Variants in PTPRD observed in about 807,000 individuals in gnomAD.
The protein encoded by PTPRD is receptor-type tyrosine-protein phosphatase delta.
A neutral mutation model predicts 214.5 loss-of-function variants in PTPRD; 34 were observed. The observed-to-expected ratio is 0.16, with a 90% confidence interval of 0.12 to 0.21. The LOEUF is 0.21. PTPRD is among the 10% of genes least tolerant of loss of function. PTPRD has a pLI of 1.00. For synonymous variants in PTPRD, 1,128 were observed against 845.7 expected (o/e 1.33, Z -5.79); for missense variants, 2,545 against 2,398.7 (o/e 1.06, Z -1.27).
chr9:8,948,767 G>A (rs2154302432), intron 11 of PTPRD, among the ~76,000 whole-genome samples: 1 of 149,804 alleles, frequency 6.7e-6, no homozygotes, highest in African/African-American at 2.5e-5. Context: ...CCTACTTATG[G>A]AGTGAGTGAC....
chr9:10,045,963 T>A (rs1474788281), intron 3 of PTPRD, among the ~76,000 whole-genome samples: 1 of 151,822 alleles, frequency 6.6e-6, no homozygotes, highest in Admixed American at 6.6e-5. Flanking sequence ...TATAAATCTA[T>A]CAATGGTCCT....
chr9:8,849,781 T>C (rs1208746714), intron 11 of PTPRD, among the ~76,000 whole-genome samples: 1 of 152,012 alleles, frequency 6.6e-6, no homozygotes, highest in Non-Finnish European at 1.5e-5. Flanking sequence ...AGACATGCAA[T>C]TTGGGAGCAG....
chr9:9,226,979 G>C (rs974532064), intron 9 of PTPRD, among the ~76,000 whole-genome samples: 23 of 152,020 alleles, frequency 1.5e-4, no homozygotes, highest in African/African-American at 2.4e-5. Flanking sequence ...AAAGATGATA[G>C]ATATTGTTAG....
intron 9 of PTPRD, among the ~76,000 whole-genome samples, chr9:9,267,504 T>G (rs1940512540): frequency 6.6e-6 from 1 of 151,186 alleles, no homozygotes; most frequent in South Asian, 2.1e-4. Context: ...CTTCTCAAAT[T>G]GTTACAAGAA....
chr9:8,946,186 C>T (rs1033426428), intron 11 of PTPRD, among the ~76,000 whole-genome samples: 2 of 152,134 alleles, frequency 1.3e-5, no homozygotes, highest in African/African-American at 2.4e-5. Context: ...ACTTGATAGC[C>T]ATTCCTAAAT....
intron 3 of PTPRD, among the ~76,000 whole-genome samples, chr9:10,095,216 T>C (rs547498273): frequency 2.0e-5 from 3 of 151,590 alleles, no homozygotes; most frequent in African/African-American, 7.2e-5. Context: ...ACTTTATATA[T>C]TCTCTTTCTT....
chr9:9,057,195 G>T (rs1026266519), intron 10 of PTPRD, among the ~76,000 whole-genome samples: 1 of 152,142 alleles, frequency 6.6e-6, no homozygotes, highest in Non-Finnish European at 1.5e-5. Context: ...TTTTCACTCA[G>T]TAAATCAATG....
At chr9:10,507,286 T>C (rs1489379533) in intron 2 of PTPRD, among the ~76,000 whole-genome samples, 1 of 151,814 alleles carries the variant, frequency 6.6e-6, no homozygotes, top group Non-Finnish European at 1.5e-5. Context: ...CACTGCTCAA[T>C]GAAATAAAAG....
At chr9:8,457,270 T>C (rs1222155757) in intron 33 of PTPRD, among the ~76,000 whole-genome samples, 1 of 152,160 alleles carries the variant, frequency 6.6e-6, no homozygotes, top group Non-Finnish European at 1.5e-5. Context: ...GGCTCCTCAG[T>C]CCAGTACTTG....
chr9:10,143,593 G>T (rs2099002395), intron 3 of PTPRD, among the ~76,000 whole-genome samples: 1 of 151,938 alleles, frequency 6.6e-6, no homozygotes, highest in Non-Finnish European at 1.5e-5. Context: ...GTATCAAAAA[G>T]TCATATCCAC....
intron 5 of PTPRD, among the ~76,000 whole-genome samples, chr9:9,775,467 A>T (rs1248289538): frequency 6.6e-6 from 1 of 152,196 alleles, no homozygotes; most frequent in Non-Finnish European, 1.5e-5. Context: ...TAGAATTACA[A>T]TCAAATAATT....
intron 3 of PTPRD, among the ~76,000 whole-genome samples, chr9:10,332,245 T>C (rs1565349517): frequency 6.6e-6 from 1 of 151,784 alleles, no homozygotes; most frequent in Non-Finnish European, 1.5e-5. Flanking sequence ...ATACCATAAA[T>C]ACCATGAGAG....
At chr9:9,955,337 G>A (rs1283936599) in intron 4 of PTPRD, among the ~76,000 whole-genome samples, 2 of 152,062 alleles carry the variant, frequency 1.3e-5, no homozygotes, top group African/African-American at 2.4e-5. Flanking sequence ...GGATATGTAC[G>A]TATTTAAGCT....
Position 9,479,228 on chromosome 9 carries a change from C to CA in PTPRD, c.-236-81747_-236-81746insT, listed in dbSNP as rs1555458130. Among the ~76,000 whole-genome samples, 520 of 110,496 alleles carry CA rather than the reference C, an allele frequency of 4.7e-3. 4 individuals carry two copies. The highest frequency in any genetic ancestry group is 9.7e-3 in the African/African-American group (269 of 27,608). 72.5% of individuals were successfully genotyped at this position (110,496 alleles called of 152,430 possible). A position where few individuals can be genotyped will look rare whatever the true frequency, so the allele number is the denominator to read the frequency against. On this transcript the variant is annotated intron_variant, in intron 8 of 45. Transcript: ENST00000381196. ...ATACACACACACGCCCCCCCCCCCC[C>CA]CACACACACACCCACCTCTAGCATT...
At chr9:9,789,107 C>A (rs926334666) in intron 5 of PTPRD, among the ~76,000 whole-genome samples, 2 of 152,138 alleles carry the variant, frequency 1.3e-5, no homozygotes, top group African/African-American at 4.8e-5. Flanking sequence ...ACATTTTTTG[C>A]CTTTCCATAC....
chr9:9,968,187 G>C (rs559728465), intron 4 of PTPRD, among the ~76,000 whole-genome samples: 86 of 152,242 alleles, frequency 5.6e-4, no homozygotes, highest in African/African-American at 1.9e-3. Context: ...ACAATTTTGA[G>C]TAATAACCAC....
At chr9:10,604,720 T>C (rs2078869301) in intron 2 of PTPRD, among the ~76,000 whole-genome samples, 1 of 151,806 alleles carries the variant, frequency 6.6e-6, no homozygotes, top group Non-Finnish European at 1.5e-5. Context: ...TCTTACACAC[T>C]AAAATTATAA....
chr9:9,685,286 ATAGTT>A (rs1316641271), intron 7 of PTPRD, among the ~76,000 whole-genome samples: 2 of 150,702 alleles, frequency 1.3e-5, no homozygotes, highest in Non-Finnish European at 3.0e-5. Flanking sequence ...ATATGTATCC[ATAGTT>A]TATAGATTTT....
intron 14 of PTPRD, among the ~76,000 whole-genome samples, chr9:8,609,492 A>G (rs1287812863): frequency 6.6e-6 from 1 of 152,216 alleles, no homozygotes; most frequent in Admixed American, 6.5e-5. Flanking sequence ...ATATGTGACA[A>G]GTATGTAACT....
Sources: allele counts gnomAD v4.1 joint callset (sites outside exome capture counted in the v4.1 genomes callset), GRCh38; gene constraint gnomAD v4.1.1; transcripts MANE v1.5; gene names NCBI Gene and HGNC (gene_info 2026-07-23, HGNC 2026-07-21).